Variants in ASB2 observed in about 807,000 individuals in gnomAD.
ASB2 encodes the protein ankyrin repeat and SOCS box containing 2, also known as ankyrin repeat and SOCS box protein 2.
ASB2 carries 58 observed loss-of-function variants against 62.4 expected under a neutral mutation model. That is an observed-to-expected ratio of 0.93 (90% CI 0.75 to 1.16). The LOEUF is 1.16. Ranked by LOEUF, ASB2 falls within the 50% of genes most tolerant of loss-of-function variation. The probability of loss-of-function intolerance (pLI) is 0.00; values close to 1 mark genes in which losing one functional copy is unlikely to be tolerated. For missense variants in ASB2, 928 were observed against 887.9 expected (o/e 1.05, Z -0.57); for synonymous variants, 386 against 385.3 (o/e 1.00, Z -0.02).
rs144342307 is a variant in ASB2 at position 93,945,229 on chromosome 14, T to C, written c.1052+2120A>G. On this transcript the variant is annotated intron_variant, in intron 7 of 9. Transcript: ENST00000555019. ...CAGGAGATTTCCAAAGTGCACCCAC[T>C]TCCCGTGTGTTCACTCTGGATCTCT... Among the ~76,000 whole-genome samples the C allele has an allele frequency of 5.9e-5, 9 of 152,340 alleles. No individual in the cohort carries two copies. In the East Asian group the frequency reaches 1.7e-3, roughly 29 times the overall value.
chr14:93,957,217 G>A lies in ASB2; in HGVS notation c.207-347C>T, dbSNP rs570322001. 65 of 1,259,418 alleles carry A rather than the reference G, an allele frequency of 5.2e-5. 1 individual carries two copies. Among genetic ancestry groups the A allele is most frequent in the South Asian group, 4.5e-4 (21 of 46,626 alleles). 78.0% of individuals were successfully genotyped at this position (1,259,418 alleles called of 1,614,324 possible). A position where few individuals can be genotyped will look rare whatever the true frequency, so the allele number is the denominator to read the frequency against. On this transcript the variant is annotated intron_variant, in intron 2 of 9. Transcript: ENST00000555019. ...TTCTTCACCCAGGAGGATGTGAGCC[G>A]TGGTCGGCAGGTCCCAGGATGAAAG...
rs918480805 is a variant in ASB2, at chr14:93,970,779, G to A, written c.-74+5655C>T. Among the ~76,000 whole-genome samples the A allele has an allele frequency of 2.6e-5, 4 of 152,182 alleles. No individual in the cohort carries two copies. In the East Asian group the frequency reaches 7.7e-4, roughly 29 times the overall value. On this transcript the variant is annotated intron_variant, in intron 1 of 9. Coordinates refer to ENST00000555019, the MANE Select transcript of ASB2 (RefSeq NM_001202429.2). ...CTCAACCCTAGCTCTGCCACCTCCTGGCCACGTGATGTGAAGCAGGTTACT... is the reference window on the plus strand; with the variant it reads ...CTCAACCCTAGCTCTGCCACCTCCTAGCCACGTGATGTGAAGCAGGTTACT...
intron 7 of ASB2, among the ~76,000 whole-genome samples, chr14:93,943,453 C>T (rs1007968110): frequency 2.6e-5 from 4 of 152,194 alleles, no homozygotes; most frequent in East Asian, 1.9e-4. Context: ...GAGACCAGCC[C>T]GGGCAACATG....
intron 9 of ASB2, among the ~76,000 whole-genome samples, chr14:93,935,284 G>C (rs1302320202): frequency 6.6e-6 from 1 of 152,180 alleles, no homozygotes; most frequent in Non-Finnish European, 1.5e-5. Context: ...AGCTCGCCTC[G>C]AGCTCCAGAA....
At chr14:93,959,500 C>G (rs1476092344) in intron 2 of ASB2, among the ~76,000 whole-genome samples, 1 of 152,228 alleles carries the variant, frequency 6.6e-6, no homozygotes, top group Admixed American at 6.5e-5. Context: ...GGCCCCATTT[C>G]CCCTCGGGCC....
chr14:93,945,396 G>A (rs1324127938), intron 7 of ASB2, among the ~76,000 whole-genome samples: 1 of 152,224 alleles, frequency 6.6e-6, no homozygotes, highest in Non-Finnish European at 1.5e-5. Context: ...ATCATGGAAT[G>A]CACTCTCCCT....
At chr14:93,937,216 CT>C (rs1232975609) in intron 9 of ASB2, among the ~76,000 whole-genome samples, 3 of 152,214 alleles carry the variant, frequency 2.0e-5, no homozygotes, top group African/African-American at 4.8e-5. Flanking sequence ...ACCTGGGAGC[CT>C]GTTGAAATGC....
chr14:93,952,312 C>G (rs1888999649), intron 5 of ASB2, among the ~76,000 whole-genome samples: 1 of 152,216 alleles, frequency 6.6e-6, no homozygotes, highest in South Asian at 2.1e-4. Context: ...GCCCAGCTTC[C>G]TGGGCACTCC....
chr14:93,939,817 G>A, intron 7 of ASB2, 145 bp from the exon 8 acceptor site: 1 of 602,518 alleles, frequency 1.7e-6, no homozygotes, highest in Non-Finnish European at 2.6e-6. Flanking sequence ...CCGGCAGGGG[G>A]CGCCGCGGGT....
At chr14:93,966,938 G>A (rs1339242703) in intron 1 of ASB2, among the ~76,000 whole-genome samples, 1 of 152,110 alleles carries the variant, frequency 6.6e-6, no homozygotes, top group Non-Finnish European at 1.5e-5. Context: ...CTAGAGGAGG[G>A]GAAGGGTCAT....
chr14:93,962,200 C>T (rs1320193130), intron 2 of ASB2, among the ~76,000 whole-genome samples: 14 of 104,748 alleles, frequency 1.3e-4, no homozygotes, highest in Admixed American at 1.0e-3. Flanking sequence ...CTGCAAGCTC[C>T]GCCTCCCGGG....
In ASB2 at chr14:93,951,226, G is replaced by A. The variant is rs778101077; in HGVS notation, c.653C>T (p.Ala218Val). 1.2e-5 allele frequency: 19 copies of A among 1,603,574 alleles called. No individual in the cohort carries two copies. The highest frequency in any genetic ancestry group is 3.3e-5 in the Admixed American group (2 of 59,896). ...PLYKACERKN[A>V]EAVKILVQHN... ...CTGCACCAGAATCTTCACGGCCTCC[G>A]CGTTCTTGCGCTCGCAGGCTGTGCT... The change falls in exon 6 of 10, where the codon GCG (alanine) becomes GTG (valine). Residue 218 changes from alanine to valine, a missense_variant. Transcript: ENST00000555019.
At position 93,939,282 on chromosome 14, in the gene ASB2, G is replaced by T; in HGVS notation, c.1443C>A (p.Thr481=). 6.2e-7 allele frequency: 1 copy of T among 1,609,876 alleles called. No homozygotes were observed. Among genetic ancestry groups the T allele is most frequent in the Non-Finnish European group, 8.5e-7 (1 of 1,177,060 alleles). Residue 481 remains threonine, a synonymous_variant, in exon 8 of 10, where the codon ACC becomes ACA. Coordinates refer to ENST00000555019, the MANE Select transcript of ASB2 (RefSeq NM_001202429.2). ...IATHPTAFPA[T]IMFAMKCLSL... ...ACAGGCACTTCATGGCGAACATGAT[G>T]GTGGCGGGGAAGGCGGTGGGGTGCG... is the stretch of plus-strand genomic sequence containing the variant.
chr14:93,973,097 T>C (rs1300024676), intron 1 of ASB2, among the ~76,000 whole-genome samples: 1 of 152,164 alleles, frequency 6.6e-6, no homozygotes, highest in East Asian at 1.9e-4. Flanking sequence ...CCCAGCTGAC[T>C]CCACAAGACA....
intron 3 of ASB2, among the ~76,000 whole-genome samples, chr14:93,954,879 C>T (rs547998241): frequency 1.7e-4 from 26 of 152,302 alleles, no homozygotes; most frequent in African/African-American, 6.0e-4. Flanking sequence ...TGGGGTCTTC[C>T]AACTCCTCTC....
intron 2 of ASB2, chr14:93,957,522 G>A: frequency 4.7e-6 from 2 of 426,222 alleles, no homozygotes; most frequent in Non-Finnish European, 6.3e-6. Flanking sequence ...CCTTGGCTGT[G>A]TGACGTGAGA....
intron 1 of ASB2, among the ~76,000 whole-genome samples, chr14:93,967,424 C>A (rs996244482): frequency 6.6e-6 from 1 of 152,344 alleles, no homozygotes; most frequent in Middle Eastern, 3.4e-3. Context: ...GCTGAACTAG[C>A]AGGAAGTGCT....
chr14:93,940,852 G>C (rs564933858), intron 7 of ASB2, among the ~76,000 whole-genome samples: 2 of 152,288 alleles, frequency 1.3e-5, no homozygotes, highest in Non-Finnish European at 2.9e-5. Context: ...GCCCAGAGAA[G>C]GTATGTGACT....
rs745932458 is a variant in ASB2, at chr14:93,934,692, C to A, written c.1872G>T (p.Arg624Ser). 13 of 1,614,052 alleles carry A rather than the reference C, an allele frequency of 8.1e-6. No individual in the cohort carries two copies. Among genetic ancestry groups the A allele is most frequent in the Non-Finnish European group, 1.1e-5 (13 of 1,180,024 alleles). Residue 624 changes from arginine (R) to serine (S), a missense_variant, in exon 10 of 10, where the codon AGG becomes AGT. Physicochemically the swap from Arg to Ser is moderately radical, Grantham distance 110. Coordinates refer to ENST00000555019, the MANE Select transcript of ASB2 (RefSeq NM_001202429.2). The part of the protein sequence containing the change: ...KLLDTLPLPG[R>S]LIRYLKYENT... The stretch of plus-strand genomic sequence containing the variant: ...TCTCGTATTTCAGGTATCTAATCAG[C>A]CTGCCTGGGAGCGGCAAGGTGTCTA...
Sources: gnomAD v4.1 joint callset for allele counts (sites outside exome capture counted in the v4.1 genomes callset) on GRCh38, gnomAD v4.1.1 for gene constraint, MANE v1.5 for transcripts, NCBI Gene and HGNC (gene_info 2026-07-23, HGNC 2026-07-21) for gene names.